The following AEBP2 variants were observed in gnomAD, a reference collection of about 807,000 sequenced individuals.
AEBP2 encodes AE binding protein 2.
AEBP2 carries 10 observed loss-of-function variants against 50.8 expected under a neutral mutation model. The observed-to-expected ratio is 0.20, with a 90% CI of 0.12 to 0.33. AEBP2 has a LOEUF of 0.33. Among genes scored for constraint, AEBP2 ranks in the 10% least tolerant of loss-of-function variants. AEBP2 has a pLI of 1.00. For missense variants in AEBP2, 570 were observed against 688.0 expected, an observed-to-expected ratio of 0.83 and a Z score of 1.92; for synonymous variants, 296 against 261.3, an observed-to-expected ratio of 1.13 and a Z score of -1.28.
chr12:19,426,298 T>C (rs2095748516), intron 1 of AEBP2, among the ~76,000 whole-genome samples: 1 of 152,088 alleles, frequency 6.6e-6, no homozygotes, highest in African/African-American at 2.4e-5. Flanking sequence ...TCCTGAAATG[T>C]GTTTGTCTGT....
chr12:19,504,506 C>T (rs888054202), intron 5 of AEBP2, among the ~76,000 whole-genome samples: 2 of 151,996 alleles, frequency 1.3e-5, no homozygotes, highest in African/African-American at 4.8e-5. Context: ...TCCCAAAGCC[C>T]TGGGATTACA....
intron 3 of AEBP2, among the ~76,000 whole-genome samples, chr12:19,477,136 T>G (rs1216304810): frequency 6.6e-6 from 1 of 152,086 alleles, no homozygotes; most frequent in Non-Finnish European, 1.5e-5. Context: ...TGTAGAGCAG[T>G]GTTATTAATT....
chr12:19,485,991 T>A lies in AEBP2; in HGVS notation c.988-7809T>A, dbSNP rs1373803881. ...TTTCATTTTGTTTGAAGGTCTGATA[T>A]AATGTATAGTTGTGTCTAATGCACA... On this transcript the variant is annotated intron_variant, in intron 3 of 7. Transcript: ENST00000266508. Among the ~76,000 whole-genome samples the A allele has an allele frequency of 1.2e-4, 17 of 147,100 alleles. No individual in the cohort carries two copies. The Admixed American group carries it at 1.2e-3, about 10-fold the overall frequency.
rs1319433479 is a variant in AEBP2, at chr12:19,512,194, G to T, written c.1300-204G>T. 1.3e-5 allele frequency among the ~76,000 whole-genome samples: 2 copies of T among 152,070 alleles called. 1 individual carries two copies. The highest frequency in any genetic ancestry group is 3.9e-4 in the East Asian group (2 of 5,180). Reference sequence around the variant, plus strand: ...CCACCACCACTCCCGGCTAATTTTTGTGTTTTTAGTAGAGACGGGGTTTCA... The same window carrying T: ...CCACCACCACTCCCGGCTAATTTTTTTGTTTTTAGTAGAGACGGGGTTTCA... On this transcript the variant is annotated intron_variant, in intron 5 of 7. Coordinates refer to ENST00000266508, the MANE Select transcript of AEBP2 (RefSeq NM_153207.5).
chr12:19,433,388 C>CA (rs1477990780), intron 1 of AEBP2, among the ~76,000 whole-genome samples: 2 of 150,748 alleles, frequency 1.3e-5, no homozygotes, highest in African/African-American at 4.9e-5. Flanking sequence ...ACCCCTTCTC[C>CA]AAAAAAACAA....
At chr12:19,461,041 C>G (rs924745458) in intron 1 of AEBP2, among the ~76,000 whole-genome samples, 2 of 152,100 alleles carry the variant, frequency 1.3e-5, no homozygotes, top group Admixed American at 6.6e-5. Context: ...AAACAGATTA[C>G]AGATAGCAAA....
intron 1 of AEBP2, among the ~76,000 whole-genome samples, chr12:19,420,751 G>A (rs1469741036): frequency 6.6e-6 from 1 of 151,974 alleles, no homozygotes; most frequent in African/African-American, 2.4e-5. Context: ...TAACTGTTTT[G>A]GTTCTTTGCC....
chr12:19,507,100 G>A (rs1949164385), intron 5 of AEBP2, among the ~76,000 whole-genome samples: 1 of 152,150 alleles, frequency 6.6e-6, no homozygotes, highest in South Asian at 2.1e-4. Context: ...AATTTTTAGT[G>A]TATTTGTGGT....
chr12:19,425,557 G>C (rs1482906955), intron 1 of AEBP2, among the ~76,000 whole-genome samples: 1 of 151,916 alleles, frequency 6.6e-6, no homozygotes, highest in Middle Eastern at 3.2e-3. Flanking sequence ...CCTGAGGTCA[G>C]GAGTTTGAGA....
At chr12:19,460,980 A>G (rs1489788783) in intron 1 of AEBP2, among the ~76,000 whole-genome samples, 1 of 151,980 alleles carries the variant, frequency 6.6e-6, no homozygotes, top group East Asian at 1.9e-4. Flanking sequence ...TTAAGAAGGT[A>G]TATACTGTGG....
At chr12:19,512,371 T>A in intron 5 of AEBP2, 27 bp from the exon 6 acceptor site, 1 of 1,443,090 alleles carries the variant, frequency 6.9e-7, no homozygotes, top group Non-Finnish European at 9.4e-7. Context: ...ACATTGTTTT[T>A]ATGATTTCTT....
intron 7 of AEBP2, 30 bp from the exon 8 acceptor site, chr12:19,518,055 GAA>G: frequency 6.3e-7 from 1 of 1,578,374 alleles, no homozygotes; most frequent in Non-Finnish European, 8.6e-7. Flanking sequence ...TGATTCAGTT[GAA>G]TAAAAGGATT....
At chr12:19,417,559 C>T (rs965682031) in intron 1 of AEBP2, among the ~76,000 whole-genome samples, 7 of 151,572 alleles carry the variant, frequency 4.6e-5, no homozygotes, top group Admixed American at 4.6e-4. Context: ...AGGCACGCAC[C>T]ACCACACCCG....
rs2095740391 is a variant in AEBP2, at chr12:19,413,162, G to C, written c.-17+8946G>C. ...CAAGTTTAGCCGACAGGATCCTGGCGATGCAGCCCAACAGGAAGCAAAGCA... is the reference window on the plus strand; with the variant it reads ...CAAGTTTAGCCGACAGGATCCTGGCCATGCAGCCCAACAGGAAGCAAAGCA... On this transcript the variant is annotated intron_variant, in intron 1 of 3. Transcript: ENST00000538425. The C allele has an allele frequency of 5.4e-6, 4 of 742,808 alleles. No individual in the cohort carries two copies. The East Asian group carries it at 1.0e-4, about 19-fold the overall frequency. 46.0% of individuals were successfully genotyped at this position (742,808 alleles called of 1,614,324 possible). A position where few individuals can be genotyped will look rare whatever the true frequency, so the allele number is the denominator to read the frequency against.
chr12:19,406,468 C>T (rs1304149139), intron 1 of AEBP2, among the ~76,000 whole-genome samples: 1 of 152,014 alleles, frequency 6.6e-6, no homozygotes, highest in Non-Finnish European at 1.5e-5. Flanking sequence ...TACCTGAGGT[C>T]AGGAGTTCGA....
rs781050298 is a variant in AEBP2, at chr12:19,462,750, GT to G, written c.879+37del. ...TTGTCATTTCTTTTTTTCGCTCCCT[GT>G]TTTCGTTAGTTTTATTAATTTATAA... On this transcript the variant is annotated intron_variant, in intron 2 of 7. Coordinates refer to ENST00000266508, the MANE Select transcript of AEBP2 (RefSeq NM_153207.5). 2.6e-5 allele frequency: 40 copies of G among 1,533,356 alleles called. No individual in the cohort carries two copies. The East Asian group carries it at 9.0e-4, about 34-fold the overall frequency. 95.0% of individuals were successfully genotyped at this position (1,533,356 alleles called of 1,614,324 possible).
chr12:19,496,956 G>A (rs183787933), intron 4 of AEBP2, among the ~76,000 whole-genome samples: 4 of 151,238 alleles, frequency 2.6e-5, no homozygotes, highest in South Asian at 2.1e-4. Context: ...GTGAGTCACC[G>A]CACCCGGCCT....
chr12:19,454,397 A>G (rs978141143), intron 1 of AEBP2, among the ~76,000 whole-genome samples: 1 of 152,148 alleles, frequency 6.6e-6, no homozygotes, highest in South Asian at 2.1e-4. Flanking sequence ...AAGTGAAGGG[A>G]GGATTCACAA....
chr12:19,464,049 T>C (rs913981510), intron 2 of AEBP2, among the ~76,000 whole-genome samples: 7 of 152,226 alleles, frequency 4.6e-5, no homozygotes, highest in African/African-American at 1.7e-4. Context: ...ACTTGATAAG[T>C]ATAGCAATTG....
Sources: gnomAD v4.1 joint callset for allele counts (sites outside exome capture counted in the v4.1 genomes callset) on GRCh38, gnomAD v4.1.1 for gene constraint, MANE v1.5 for transcripts, NCBI Gene and HGNC (gene_info 2026-07-23, HGNC 2026-07-21) for gene names.